The following HDAC9 variants were observed in gnomAD, a reference collection of about 807,000 sequenced individuals.
The protein encoded by HDAC9 is MEF-2 interacting transcription repressor (MITR) protein.
In HDAC9, 41 loss-of-function variants were observed where a neutral mutation model predicts 139.4. The observed-to-expected ratio is 0.29, with a 90% confidence interval of 0.23 to 0.38. HDAC9 has a LOEUF of 0.38. HDAC9 is among the 10% of genes least tolerant of loss of function. The probability of loss-of-function intolerance (pLI) is 1.00; values close to 1 mark genes in which losing one functional copy is unlikely to be tolerated. For missense variants in HDAC9, 1,147 were observed against 1,297.0 expected (o/e 0.88, Z 1.78); for synonymous variants, 517 against 476.2 (o/e 1.09, Z -1.12).
chr7:18,879,094 A>C (rs1160044761), intron 22 of HDAC9, among the ~76,000 whole-genome samples: 2 of 152,302 alleles, frequency 1.3e-5, no homozygotes, highest in South Asian at 2.1e-4. Flanking sequence ...TAGGAATACA[A>C]CTAATCAGGG....
At chr7:18,904,638 C>G (rs1392520451) in intron 22 of HDAC9, among the ~76,000 whole-genome samples, 1 of 141,590 alleles carries the variant, frequency 7.1e-6, no homozygotes, top group Non-Finnish European at 1.5e-5. Context: ...AGTGCAGTGA[C>G]GCGATCCGCT....
intron 16 of HDAC9, among the ~76,000 whole-genome samples, chr7:18,788,741 C>T (rs984565964): frequency 1.5e-5 from 2 of 134,590 alleles, no homozygotes; most frequent in African/African-American, 2.7e-5. Flanking sequence ...GATGACAGAG[C>T]GAGACTCTGT....
At chr7:18,657,885 G>C (rs751416958) in intron 11 of HDAC9, among the ~76,000 whole-genome samples, 3 of 151,908 alleles carry the variant, frequency 2.0e-5, no homozygotes, top group Non-Finnish European at 2.9e-5. Flanking sequence ...TCTGATTCTT[G>C]CCTCCTCCCT....
At chr7:18,751,997 T>C (rs1788490825) in intron 14 of HDAC9, among the ~76,000 whole-genome samples, 1 of 152,144 alleles carries the variant, frequency 6.6e-6, no homozygotes, top group South Asian at 2.1e-4. Context: ...ATATGTTCCT[T>C]GTAGATTTCT....
intron 11 of HDAC9, among the ~76,000 whole-genome samples, chr7:18,662,238 A>G (rs1793406441): frequency 6.6e-6 from 1 of 152,070 alleles, no homozygotes; most frequent in Non-Finnish European, 1.5e-5. Flanking sequence ...TTAATATCAT[A>G]TTTAAATGGC....
intron 12 of HDAC9, among the ~76,000 whole-genome samples, chr7:18,725,160 A>C (rs1785443822): frequency 6.6e-6 from 1 of 152,086 alleles, no homozygotes; most frequent in Non-Finnish European, 1.5e-5. Context: ...GGGCCCACAA[A>C]ACATTTTAAA....
chr7:18,522,165 C>T (rs1805262811), intron 2 of HDAC9, among the ~76,000 whole-genome samples: 1 of 152,168 alleles, frequency 6.6e-6, no homozygotes, highest in Non-Finnish European at 1.5e-5. Flanking sequence ...GTGTGAAAAT[C>T]TGTTCATTTA....
intron 9 of HDAC9, among the ~76,000 whole-genome samples, chr7:18,646,083 A>G (rs1787309828): frequency 6.6e-6 from 1 of 152,228 alleles, no homozygotes; most frequent in South Asian, 2.1e-4. Context: ...ATTAGGAATG[A>G]AACTAAAAAT....
chr7:18,783,424 A>C (rs1397676166), intron 16 of HDAC9, among the ~76,000 whole-genome samples: 1 of 152,114 alleles, frequency 6.6e-6, no homozygotes, highest in Non-Finnish European at 1.5e-5. Context: ...CAATAAATAC[A>C]AATTACTAAA....
At chr7:18,930,501 C>T (rs1198856830) in intron 22 of HDAC9, among the ~76,000 whole-genome samples, 2 of 151,948 alleles carry the variant, frequency 1.3e-5, no homozygotes, top group Non-Finnish European at 2.9e-5. Flanking sequence ...GCCACTGAAA[C>T]CTTTAATATG....
chr7:18,576,183 C>T (rs143199465), intron 2 of HDAC9, among the ~76,000 whole-genome samples: 102 of 152,118 alleles, frequency 6.7e-4, no homozygotes, highest in Middle Eastern at 3.4e-3. Flanking sequence ...ATCAGTGTGG[C>T]TTGAGTGAGT....
At chr7:18,491,750 C>CT (rs1796383976), upstream of HDAC9, among the ~76,000 whole-genome samples, 2 of 152,046 alleles carry the variant, frequency 1.3e-5, no homozygotes, top group African/African-American at 4.8e-5. Context: ...GAAGAGAAGC[C>CT]TGCCCTAGTT....
At chr7:18,462,142 A>G (rs541752088) in intron 1 of HDAC9, among the ~76,000 whole-genome samples, 4 of 152,116 alleles carry the variant, frequency 2.6e-5, no homozygotes, top group Non-Finnish European at 5.9e-5. Context: ...AATTATGACT[A>G]TCATATAAAA....
intron 1 of HDAC9, among the ~76,000 whole-genome samples, chr7:18,116,996 C>G (rs1030932893): frequency 2.6e-5 from 4 of 152,096 alleles, no homozygotes; most frequent in Non-Finnish European, 4.4e-5. Flanking sequence ...GGTCCATTAG[C>G]CTGAATAACA....
intron 1 of HDAC9, among the ~76,000 whole-genome samples, chr7:18,484,511 C>T (rs1276337140): frequency 6.6e-6 from 1 of 151,954 alleles, no homozygotes; most frequent in Non-Finnish European, 1.5e-5. Context: ...AATCAAATGC[C>T]TGAAGTTTTT....
intron 17 of HDAC9, among the ~76,000 whole-genome samples, chr7:18,815,751 T>C (rs1250122778): frequency 6.6e-6 from 1 of 152,226 alleles, no homozygotes; most frequent in Non-Finnish European, 1.5e-5. Flanking sequence ...CCAGTTACAT[T>C]TCTAATGCTG....
At chr7:18,985,010 T>A (rs1785219675) in intron 25 of HDAC9, among the ~76,000 whole-genome samples, 1 of 152,214 alleles carries the variant, frequency 6.6e-6, no homozygotes, top group African/African-American at 2.4e-5. Flanking sequence ...TGTAGAATTG[T>A]TACACAGGAA....
At chr7:18,394,964 A>G (rs1786884677) in intron 1 of HDAC9, among the ~76,000 whole-genome samples, 1 of 152,196 alleles carries the variant, frequency 6.6e-6, no homozygotes, top group African/African-American at 2.4e-5. Flanking sequence ...ACTGAGTTAA[A>G]TACACAAGTA....
chr7:18,874,517 C>T lies in HDAC9; in HGVS notation c.2724C>T (p.Asp908=). The change falls in exon 22 of 26, where the codon GAC becomes GAT. Residue 908 remains aspartate (D), a synonymous_variant. Coordinates refer to ENST00000686413, the MANE Select transcript of HDAC9 (RefSeq NM_178425.4). ...CTGTGGCCAAAGAGTTTGATCCAGA[C>T]ATGGTCTTAGTATCTGCTGGATTTG... ...VKPVAKEFDP[D]MVLVSAGFDA... 1.3e-6 allele frequency: 2 copies of T among 1,594,042 alleles called. No homozygotes were observed. Among genetic ancestry groups the T allele is most frequent in the East Asian group, 2.3e-5 (1 of 44,218 alleles).
Sources: allele counts gnomAD v4.1 joint callset (sites outside exome capture counted in the v4.1 genomes callset), GRCh38; gene constraint gnomAD v4.1.1; transcripts MANE v1.5; gene names NCBI Gene and HGNC (gene_info 2026-07-23, HGNC 2026-07-21).